Variants in LHX4 observed in about 807,000 individuals in gnomAD.
The protein encoded by LHX4 is LIM homeobox 4, also known as LIM/homeobox protein Lhx4.
Under a neutral mutation model 39.2 loss-of-function variants are expected in LHX4, and 16 were observed. The observed-to-expected ratio is 0.41, with a 90% CI of 0.28 to 0.62. The LOEUF (loss-of-function observed/expected upper bound fraction) is 0.62. LHX4 is among the 20% of genes least tolerant of loss of function. The pLI is 0.33. For missense variants in LHX4, 439 were observed against 511.9 expected (o/e 0.86, Z 1.37); for synonymous variants, 206 against 198.1 (o/e 1.04, Z -0.33).
intron 2 of LHX4, among the ~76,000 whole-genome samples, chr1:180,249,107 A>C (rs1373754535): frequency 6.6e-6 from 1 of 152,206 alleles, no homozygotes; most frequent in Non-Finnish European, 1.5e-5. Context: ...TAACTTCTCT[A>C]TGCCTCAGTT....
At position 180,234,027 on chromosome 1, in the gene LHX4, T is replaced by C. The variant is rs993450803; in HGVS notation, c.76+3422T>C. ...AGTCCCCGGGGTTGTTGACTGTCCT[T>C]CTTGCAGGACATTTCTTAAGGGGGT... On this transcript the variant is annotated intron_variant, in intron 1 of 5. Coordinates refer to ENST00000263726, the MANE Select transcript of LHX4 (RefSeq NM_033343.4). The surrounding 1 kb of genome is among the most constrained non-coding windows in gnomAD (Gnocchi z 4.8). 7.3e-5 allele frequency among the ~76,000 whole-genome samples: 11 copies of C among 150,854 alleles called. No individual in the cohort carries two copies. The highest frequency in any genetic ancestry group is 2.7e-4 in the African/African-American group (11 of 41,020).
Position 180,234,193 on chromosome 1 carries a change from A to ATATATATATATG in LHX4, c.76+3599_76+3600insGTATATATATAT, listed in dbSNP as rs1664254098. ...ATTATATATATATATATATATATAT[A>ATATATATATATG]TATATATATATATATATATATATAT... On this transcript the variant is annotated intron_variant, in intron 1 of 5. Transcript: ENST00000263726. This position sits in a 1 kb window ranked among gnomAD's most constrained non-coding sequence, Gnocchi z 4.8. Among the ~76,000 whole-genome samples the ATATATATATATG allele has an allele frequency of 3.5e-5, 3 of 85,718 alleles. No individual in the cohort carries two copies. Among genetic ancestry groups the ATATATATATATG allele is most frequent in the African/African-American group, 6.0e-5 (1 of 16,590 alleles). 56.2% of individuals were successfully genotyped at this position (85,718 alleles called of 152,430 possible).
At chr1:180,241,024 G>T (rs150626939) in intron 1 of LHX4, among the ~76,000 whole-genome samples, 2 of 152,282 alleles carry the variant, frequency 1.3e-5, no homozygotes, top group Non-Finnish European at 2.9e-5. Flanking sequence ...GCATTTAGTT[G>T]TCTCTAGGAA....
rs755779045 is a variant in LHX4, at chr1:180,274,485, C to T, written c.1079C>T (p.Thr360Ile). ...QTLRAMAGGP[T>I]SDISTGSSVG... is the part of the protein sequence containing the mutation. ...CTGAGAGCCATGGCTGGGGGACCCA[C>T]CTCTGACATCTCCACAGGAAGCAGT... is the stretch of plus-strand genomic sequence containing the variant. The change falls in exon 6 of 6, where the codon ACC (threonine) becomes ATC (isoleucine). Residue 360 changes from threonine to isoleucine, a missense_variant. Thr to Ile is a moderately conservative substitution (Grantham distance 89). Coordinates refer to ENST00000263726, the MANE Select transcript of LHX4 (RefSeq NM_033343.4). 1.4e-5 allele frequency: 23 copies of T among 1,613,830 alleles called. No homozygotes were observed. Among genetic ancestry groups the T allele is most frequent in the Non-Finnish European group, 1.8e-5 (21 of 1,180,038 alleles).
intron 3 of LHX4, chr1:180,270,538 C>G (rs1648584681): frequency 6.6e-6 from 1 of 152,352 alleles, no homozygotes; most frequent in South Asian, 2.1e-4. Flanking sequence ...TTGAATGGAA[C>G]AAACCAGACT....
chr1:180,240,742 A>G (rs947893323), intron 1 of LHX4, among the ~76,000 whole-genome samples: 3 of 152,170 alleles, frequency 2.0e-5, no homozygotes, highest in Non-Finnish European at 4.4e-5. Flanking sequence ...TCTGCCATGG[A>G]TCACATCAGA....
chr1:180,250,075 G>A (rs889347743), intron 2 of LHX4, among the ~76,000 whole-genome samples: 2 of 152,178 alleles, frequency 1.3e-5, no homozygotes, highest in Non-Finnish European at 2.9e-5. Context: ...TGGAAGGACA[G>A]ACCTCTGGTC....
chr1:180,247,034 C>G (rs74132410), intron 1 of LHX4, among the ~76,000 whole-genome samples: 9,914 of 152,184 alleles, frequency 0.065, 373 homozygotes, highest in African/African-American at 0.079. Context: ...AACGCTTGCA[C>G]TTTTGTTTTT....
intron 2 of LHX4, among the ~76,000 whole-genome samples, chr1:180,251,840 C>T (rs1392483244): frequency 1.3e-5 from 2 of 152,160 alleles, no homozygotes; most frequent in African/African-American, 2.4e-5. Flanking sequence ...GGATTCAGTG[C>T]TGAGTTTGGG....
chr1:180,233,221 G>A (rs933018076), intron 1 of LHX4, among the ~76,000 whole-genome samples: 42 of 152,238 alleles, frequency 2.8e-4, no homozygotes, highest in African/African-American at 9.6e-4. Flanking sequence ...CTCATCTCTG[G>A]TCTTGCTCCA....
upstream of LHX4, among the ~76,000 whole-genome samples, chr1:180,230,058 C>T (rs1448884513): frequency 6.6e-6 from 1 of 151,054 alleles, no homozygotes; most frequent in Non-Finnish European, 1.5e-5. The surrounding 1 kb of genome is among the most constrained non-coding windows in gnomAD (Gnocchi z 5.8). Flanking sequence ...GCCGGGACCC[C>T]CACTCCCTCC....
At chr1:180,241,052 A>G (rs1310018466) in intron 1 of LHX4, among the ~76,000 whole-genome samples, 1 of 152,230 alleles carries the variant, frequency 6.6e-6, no homozygotes, top group African/African-American at 2.4e-5. Context: ...TAGAAGCCCC[A>G]AACGTCAATT....
At chr1:180,231,587 C>G (rs1200318994) in intron 1 of LHX4, among the ~76,000 whole-genome samples, 1 of 146,568 alleles carries the variant, frequency 6.8e-6, no homozygotes. Context: ...CGACAAGCGC[C>G]GGGAGAGTCC....
chr1:180,233,711 G>A (rs1312812804), intron 1 of LHX4, among the ~76,000 whole-genome samples: 1 of 152,116 alleles, frequency 6.6e-6, no homozygotes, highest in Non-Finnish European at 1.5e-5. Flanking sequence ...ACGGAAGCCC[G>A]CCGCCCGGAT....
chr1:180,272,815 T>C (rs932506735), intron 5 of LHX4: 8 of 152,220 alleles, frequency 5.3e-5, no homozygotes, highest in African/African-American at 1.9e-4. Context: ...ACCATATCTT[T>C]GCCCATCTCA....
Position 180,276,093 on chromosome 1 carries a change from T to TG in LHX4, c.*1515dup, listed in dbSNP as rs11450923. The TG allele has an allele frequency of 0.95, 145,459 of 152,316 alleles. 69,524 individuals carry two copies. The highest frequency in any genetic ancestry group is 0.99 in the East Asian group (5,124 of 5,182). 9.4% of individuals were successfully genotyped at this position (152,316 alleles called of 1,614,324 possible). On this transcript the variant is annotated 3_prime_UTR_variant, in exon 6 of 6. Coordinates refer to ENST00000263726, the MANE Select transcript of LHX4 (RefSeq NM_033343.4). ...TTATTCCTGTCCCTCTGGGAAGCTG[T>TG]GTTTGCTTCTTCTGGCCTCCCATTC...
Position 180,266,701 on chromosome 1 carries a change from C to T in LHX4, c.451+107C>T, listed in dbSNP as rs552230586. 1.8e-6 allele frequency: 2 copies of T among 1,096,924 alleles called. No individual in the cohort carries two copies. Among genetic ancestry groups the T allele is most frequent in the Non-Finnish European group, 2.7e-6 (2 of 739,916 alleles). 67.9% of individuals were successfully genotyped at this position (1,096,924 alleles called of 1,614,324 possible). On this transcript the variant is annotated intron_variant, in intron 3 of 5. Coordinates refer to ENST00000263726, the MANE Select transcript of LHX4 (RefSeq NM_033343.4). The surrounding 1 kb of genome is among the most constrained non-coding windows in gnomAD (Gnocchi z 5.7). ...CGTCCCACCTGCCCATCCCTCAGAG[C>T]CCTACTCATGCACCGCCACCTCTGA... is the stretch of plus-strand genomic sequence containing the variant.
intron 3 of LHX4, 29 bp from the exon 4 acceptor site, chr1:180,271,351 A>C: frequency 6.2e-7 from 1 of 1,614,028 alleles, no homozygotes; most frequent in Non-Finnish European, 8.5e-7. Context: ...GATAGGCCGA[A>C]GCCAGTAAGC....
Position 180,274,708 on chromosome 1 carries a change from C to A in LHX4, c.*129C>A. The A allele has an allele frequency of 8.9e-7, 1 of 1,125,038 alleles. No homozygotes were observed. Among genetic ancestry groups the A allele is most frequent in the Non-Finnish European group, 1.2e-6 (1 of 800,512 alleles). The allele number at this position is 1,125,038 out of a possible 1,614,324, so 69.7% of individuals were successfully genotyped here. On this transcript the variant is annotated 3_prime_UTR_variant, in exon 6 of 6. Transcript: ENST00000263726. The stretch of plus-strand genomic sequence containing the variant: ...TTCCATTATTTTCAATGGAAGTCCT[C>A]CGCTGATTCCTAGAAGGCTGTGAGA...
Sources: allele counts gnomAD v4.1 joint callset (sites outside exome capture counted in the v4.1 genomes callset), GRCh38; gene constraint gnomAD v4.1.1; non-coding constraint Gnocchi (gnomAD v3.1); transcripts MANE v1.5; gene names NCBI Gene and HGNC (gene_info 2026-07-23, HGNC 2026-07-21).